Variants in TCOF1 observed in about 807,000 individuals in gnomAD.
TCOF1 encodes treacle ribosome biogenesis factor 1, also known as treacle protein.
TCOF1 carries 33 observed loss-of-function variants against 149.0 expected under a neutral mutation model. The observed-to-expected ratio is 0.22, with a 90% CI of 0.17 to 0.30. The LOEUF is 0.30. Among genes scored for constraint, TCOF1 ranks in the 10% least tolerant of loss-of-function variants. The pLI is 1.00. For synonymous variants in TCOF1, 789 were observed against 738.8 expected (o/e 1.07, Z -1.10); for missense variants, 1,728 against 1,840.7 (o/e 0.94, Z 1.12).
chr5:150,382,958 C>T, intron 17 of TCOF1: 1 of 918,346 alleles, frequency 1.1e-6, no homozygotes, highest in South Asian at 1.7e-5. Flanking sequence ...ACGCTGCCTC[C>T]CCTGGAAACC....
intron 17 of TCOF1, among the ~76,000 whole-genome samples, chr5:150,381,592 T>C (rs572836131): frequency 1.3e-5 from 2 of 152,352 alleles, no homozygotes; most frequent in South Asian, 4.1e-4. Context: ...CCCAGGTGCT[T>C]GTTACTGGTA....
chr5:150,361,110 T>C lies in TCOF1; in HGVS notation c.109-46T>C. The C allele has an allele frequency of 2.5e-6, 4 of 1,612,344 alleles. No homozygotes were observed. The South Asian group carries it at 4.4e-5, about 18-fold the overall frequency. On this transcript the variant is annotated intron_variant, in intron 1 of 26. Coordinates refer to ENST00000643257, the MANE Select transcript of TCOF1 (RefSeq NM_001371623.1). Reference sequence around the variant, plus strand: ...GAGATCTGGGCCCAAGAAGGATCCTTACTGTGCTGGGGATTAATTGTGGCT... The same window carrying C: ...GAGATCTGGGCCCAAGAAGGATCCTCACTGTGCTGGGGATTAATTGTGGCT...
rs1336573542 is a variant in TCOF1 at position 150,372,128 on chromosome 5, A to T, written c.762A>T (p.Gly254=). Residue 254 remains glycine (G), a synonymous_variant, in exon 7 of 27, where the codon GGA becomes GGT. Transcript: ENST00000643257. ...GGGATGTGACACCCCAGGTCAAAGG[A>T]GGGGCCCTGCCCCCAGCCAAGAGGG... The part of the protein sequence containing the change: ...KVGDVTPQVK[G]GALPPAKRAK... The T allele has an allele frequency of 6.2e-7, 1 of 1,614,204 alleles. No individual in the cohort carries two copies. Among genetic ancestry groups the T allele is most frequent in the Non-Finnish European group, 8.5e-7 (1 of 1,180,034 alleles).
intron 17 of TCOF1, chr5:150,380,117 AG>A (rs1561508616): frequency 3.9e-6 from 1 of 258,888 alleles, no homozygotes; most frequent in Admixed American, 5.0e-5. Context: ...ACCAGGGTTT[AG>A]GGCCAGGTAA....
In TCOF1 at chr5:150,386,541, C is replaced by T. The variant is rs962087307; in HGVS notation, c.2860-1361C>T. ...GTTTTACTTTTTACTTTATGCCTCT[C>T]CACAGCACCTTAGCACCCTGAGGAG... On this transcript the variant is annotated intron_variant, in intron 17 of 26. Coordinates refer to ENST00000643257, the MANE Select transcript of TCOF1 (RefSeq NM_001371623.1). 3.9e-5 allele frequency among the ~76,000 whole-genome samples: 6 copies of T among 152,288 alleles called. No individual in the cohort carries two copies. The East Asian group carries it at 1.2e-3, about 29-fold the overall frequency.
At position 150,375,894 on chromosome 5, in the gene TCOF1, C is replaced by T; in HGVS notation, c.1878C>T (p.Ala626=). 6.2e-7 allele frequency: 1 copy of T among 1,614,168 alleles called. No individual in the cohort carries two copies. ...DSADSEEAPA[A]MTAAQAKPAL... is the part of the protein sequence containing the mutation. The stretch of plus-strand genomic sequence containing the variant: ...CGGACAGTGAGGAGGCACCAGCAGC[C>T]ATGACTGCAGCTCAGGTGAGGCCTG... Residue 626 remains alanine, a synonymous_variant, in exon 12 of 27, where the codon GCC becomes GCT. Transcript: ENST00000643257.
At chr5:150,382,015 G>A (rs1243917713) in intron 17 of TCOF1, among the ~76,000 whole-genome samples, 2 of 152,148 alleles carry the variant, frequency 1.3e-5, no homozygotes, top group East Asian at 1.9e-4. Context: ...GGCCAACATG[G>A]CGAAACCCCA....
Position 150,396,836 on chromosome 5 carries a change from G to A in TCOF1, c.4339G>A (p.Asp1447Asn), listed in dbSNP as rs1405299412. Residue 1447 changes from aspartate to asparagine, a missense_variant, in exon 24 of 27, where the codon GAC becomes AAC. Coordinates refer to ENST00000643257, the MANE Select transcript of TCOF1 (RefSeq NM_001371623.1). Reference sequence around the variant, plus strand: ...GAGCAAGAAGGAGAAGAAGAAATCCGACAAGAGTGAGTGACCGCTTCTCCC... The same window carrying A: ...GAGCAAGAAGGAGAAGAAGAAATCCAACAAGAGTGAGTGACCGCTTCTCCC... ...PKSKKEKKKS[D>N]KRKKDKEKKE... 5.6e-6 allele frequency: 9 copies of A among 1,596,816 alleles called. No homozygotes were observed. Among genetic ancestry groups the A allele is most frequent in the Admixed American group, 3.5e-5 (2 of 57,120 alleles).
intron 6 of TCOF1, among the ~76,000 whole-genome samples, chr5:150,370,576 G>A (rs374526514): frequency 3.3e-5 from 5 of 151,942 alleles, no homozygotes; most frequent in Non-Finnish European, 7.4e-5. Context: ...GGCTAGTCTC[G>A]AACTCCTGAC....
In TCOF1 at chr5:150,392,756, A is replaced by G; in HGVS notation, c.3569A>G (p.Glu1190Gly). ...TETLVEETAA[E>G]SSEDDVVAPS... ...ACCCTGGTGGAGGAGACCGCAGCAG[A>G]GTCCAGCGAGGATGATGTGGTGGCG... The change falls in exon 22 of 27, where the codon GAG (glutamate) becomes GGG (glycine). Residue 1190 changes from glutamate (E) to glycine (G), a missense_variant. Glu to Gly is a moderately conservative substitution (Grantham distance 98). Around this residue, in one of 2 missense-constraint regions of TCOF1, gnomAD observed 1,696 missense variants for 1,765.4 expected, o/e 0.96. Coordinates refer to ENST00000643257, the MANE Select transcript of TCOF1 (RefSeq NM_001371623.1). 1 of 1,614,100 alleles carries G rather than the reference A, an allele frequency of 6.2e-7. No individual in the cohort carries two copies. The highest frequency in any genetic ancestry group is 8.5e-7 in the Non-Finnish European group (1 of 1,180,008).
Position 150,396,876 on chromosome 5 carries a change from G to C in TCOF1, c.4345+34G>C. 6 of 1,566,676 alleles carry C rather than the reference G, an allele frequency of 3.8e-6. No homozygotes were observed. The South Asian group carries it at 7.0e-5, about 18-fold the overall frequency. ...CCGCTTCTCCCAGCCCACCCCAAGG[G>C]CTGCTGGGCACCCCACGGGGGCGGG... On this transcript the variant is annotated intron_variant, in intron 24 of 26. Transcript: ENST00000643257.
intron 5 of TCOF1, 114 bp downstream of exon 5, chr5:150,369,016 A>T: frequency 7.3e-7 from 1 of 1,366,404 alleles, no homozygotes. Flanking sequence ...TGTCTCCAGG[A>T]CAGCCAGGTT....
chr5:150,395,675 C>T (rs1462610866), intron 23 of TCOF1, among the ~76,000 whole-genome samples: 3 of 152,150 alleles, frequency 2.0e-5, no homozygotes, highest in African/African-American at 7.2e-5. Flanking sequence ...CGTGTATATA[C>T]ACTGCACCCA....
In TCOF1 at chr5:150,364,222, G is replaced by A. The variant is rs1760791641; in HGVS notation, c.274G>A (p.Glu92Lys). ...ISTSESSEEE[E>K]EAEAETAKAT... ...CACCTCGGAGAGCTCGGAAGAGGAG[G>A]AAGAAGCAGAAGCCGAAACCGCCAA... Residue 92 changes from glutamate (E) to lysine (K), a missense_variant, in exon 3 of 27, where the codon GAA (glutamate) becomes AAA (lysine). Physicochemically the swap from Glu to Lys is moderately conservative, Grantham distance 56. This residue lies in a region of TCOF1 where 1,696 missense variants were observed against 1,765.4 expected (regional missense o/e 0.96). Coordinates refer to ENST00000643257, the MANE Select transcript of TCOF1 (RefSeq NM_001371623.1). The A allele has an allele frequency of 3.7e-6, 6 of 1,614,032 alleles. No homozygotes were observed. In the African/African-American group the frequency reaches 6.7e-5, roughly 18 times the overall value.
At position 150,374,970 on chromosome 5, in the gene TCOF1, A is replaced by G; in HGVS notation, c.1295A>G (p.Lys432Arg). 1 of 1,613,008 alleles carries G rather than the reference A, an allele frequency of 6.2e-7. No homozygotes were observed. The highest frequency in any genetic ancestry group is 8.5e-7 in the Non-Finnish European group (1 of 1,179,810). ...EAPAQAKPSG[K>R]APQVRAASAP... The stretch of plus-strand genomic sequence containing the variant: ...TCACTCCAGGCGAAGCCTTCAGGGA[A>G]GGCCCCCCAGGTCAGAGCCGCCTCG... The change falls in exon 10 of 27, where the codon AAG becomes AGG. Residue 432 changes from lysine to arginine, a missense_variant. This residue lies in a region of TCOF1 where 1,696 missense variants were observed against 1,765.4 expected (regional missense o/e 0.96). Transcript: ENST00000643257.
rs1581165599 is a variant in TCOF1 at position 150,383,614 on chromosome 5, A to T, written c.2859+3882A>T. The T allele has an allele frequency of 4.9e-6, 5 of 1,029,754 alleles. No individual in the cohort carries two copies. In the East Asian group the frequency reaches 1.3e-4, roughly 27 times the overall value. The allele number at this position is 1,029,754 out of a possible 1,614,324, so 63.8% of individuals were successfully genotyped here. ...AGGGCAGGGAGTGTTGCCCCATTTG[A>T]CAGATTGGGAATCAAGCCTTAGAGT... On this transcript the variant is annotated intron_variant, in intron 17 of 26. Coordinates refer to ENST00000643257, the MANE Select transcript of TCOF1 (RefSeq NM_001371623.1).
At chr5:150,368,404 G>C (rs544940132) in intron 4 of TCOF1, 4 of 428,892 alleles carry the variant, frequency 9.3e-6, no homozygotes. Flanking sequence ...GTGCCTCTGC[G>C]ATTGCCTGGA....
intron 4 of TCOF1, 84 bp downstream of exon 4, chr5:150,368,001 G>A: frequency 6.7e-7 from 1 of 1,494,726 alleles, no homozygotes; most frequent in Non-Finnish European, 9.3e-7. Flanking sequence ...GAGAAGGATA[G>A]GGTTGTGAGT....
At position 150,398,253 on chromosome 5, in the gene TCOF1, G is replaced by T; in HGVS notation, c.4346-101G>T. On this transcript the variant is annotated intron_variant, in intron 24 of 26. Transcript: ENST00000643257. ...GCCTGTTGTGATGGCTTCTGGTGGT[G>T]TGGGGAAAGCTGGGAGCCCTGCCCT... 5 of 1,587,886 alleles carry T rather than the reference G, an allele frequency of 3.1e-6. No homozygotes were observed. In the South Asian group the frequency reaches 5.8e-5, roughly 18 times the overall value.
Sources: allele counts gnomAD v4.1 joint callset (sites outside exome capture counted in the v4.1 genomes callset), GRCh38; gene constraint gnomAD v4.1.1; regional missense constraint gnomAD v4.1.1; transcripts MANE v1.5; gene names NCBI Gene and HGNC (gene_info 2026-07-23, HGNC 2026-07-21).